The following DTWD2 variants were observed in gnomAD, a reference collection of about 807,000 sequenced individuals.
DTWD2 encodes DTW motif tRNA-uridine aminocarboxypropyltransferase 2.
DTWD2 carries 39 observed loss-of-function variants against 31.8 expected under a neutral mutation model. That is an observed-to-expected ratio of 1.22 (90% CI 0.95 to 1.60). The LOEUF (loss-of-function observed/expected upper bound fraction) is 1.60. Ranked by LOEUF, DTWD2 falls within the 40% of genes most tolerant of loss-of-function variation. The pLI is 0.00. For synonymous variants in DTWD2, 180 were observed against 142.8 expected (o/e 1.26, Z -1.86); for missense variants, 515 against 381.5 (o/e 1.35, Z -2.92).
chr5:118,876,888 T>C (rs1189084403), intron 4 of DTWD2, among the ~76,000 whole-genome samples: 5 of 152,194 alleles, frequency 3.3e-5, no homozygotes, highest in Middle Eastern at 3.2e-3. Flanking sequence ...AAGGCCAGCA[T>C]CATCGTGATA....
chr5:118,944,459 A>C, intron 2 of DTWD2, 100 bp downstream of exon 2: 1 of 1,234,264 alleles, frequency 8.1e-7, no homozygotes, highest in African/African-American at 1.5e-5. Flanking sequence ...ACTTCTTTTC[A>C]GAAATGCTAA....
intron 4 of DTWD2, among the ~76,000 whole-genome samples, chr5:118,883,211 G>C (rs1357559829): frequency 6.6e-6 from 1 of 152,184 alleles, no homozygotes; most frequent in Non-Finnish European, 1.5e-5. Context: ...CATAGCAAGA[G>C]TGACCTTTGC....
At chr5:118,875,178 C>G (rs1752593354) in intron 4 of DTWD2, among the ~76,000 whole-genome samples, 1 of 152,256 alleles carries the variant, frequency 6.6e-6, no homozygotes, top group Non-Finnish European at 1.5e-5. Context: ...TTGTTGCCAA[C>G]TGCCTTATGA....
intron 4 of DTWD2, among the ~76,000 whole-genome samples, chr5:118,867,421 T>C (rs62374075): frequency 0.27 from 40,815 of 151,990 alleles, 5,628 homozygotes; most frequent in Middle Eastern, 0.33. Context: ...AATTAATAAT[T>C]TACATTATCT....
chr5:118,908,736 C>T (rs886692081), intron 4 of DTWD2, among the ~76,000 whole-genome samples: 5 of 151,076 alleles, frequency 3.3e-5, no homozygotes, highest in Non-Finnish European at 7.4e-5. Flanking sequence ...AACCTGAAGA[C>T]TGCACTGCCC....
At chr5:118,905,034 A>T (rs1753296387) in intron 4 of DTWD2, among the ~76,000 whole-genome samples, 1 of 152,160 alleles carries the variant, frequency 6.6e-6, no homozygotes, top group Non-Finnish European at 1.5e-5. Flanking sequence ...TCACCTTGAC[A>T]TAATTTTATT....
In DTWD2 at chr5:118,965,084, C is replaced by T. The variant is rs1422544481; in HGVS notation, c.219-20435G>A. The stretch of plus-strand genomic sequence containing the variant: ...CTGGGATGTGAGGAGCACCACTGCC[C>T]GGCCGCAACCCCGTCTGGGAGGTGA... On this transcript the variant is annotated intron_variant, in intron 1 of 5. Transcript: ENST00000510708. Among the ~76,000 whole-genome samples the T allele has an allele frequency of 5.3e-5, 8 of 152,010 alleles. No individual in the cohort carries two copies. The South Asian group carries it at 1.0e-3, about 20-fold the overall frequency.
intron 4 of DTWD2, among the ~76,000 whole-genome samples, chr5:118,870,453 T>C (rs1033514526): frequency 4.6e-5 from 7 of 152,336 alleles, no homozygotes; most frequent in Middle Eastern, 3.4e-3. Flanking sequence ...TTCCAGACAA[T>C]GGCAATGAAG....
At chr5:118,986,908 C>A (rs1340704193) in intron 1 of DTWD2, among the ~76,000 whole-genome samples, 1 of 151,890 alleles carries the variant, frequency 6.6e-6, no homozygotes, top group Non-Finnish European at 1.5e-5. Context: ...AAGCAAAGTG[C>A]AGAAATGTTG....
intron 1 of DTWD2, among the ~76,000 whole-genome samples, chr5:118,968,283 G>A (rs1283339680): frequency 1.3e-5 from 2 of 152,052 alleles, no homozygotes; most frequent in South Asian, 2.1e-4. Context: ...GTGGGATGCT[G>A]AGTTAGATAC....
At chr5:118,857,602 G>C (rs1752167456) in intron 4 of DTWD2, among the ~76,000 whole-genome samples, 1 of 152,022 alleles carries the variant, frequency 6.6e-6, no homozygotes, top group Admixed American at 6.6e-5. Context: ...GTCTTTTGAT[G>C]ACTAGAAGTT....
chr5:118,985,378 G>A (rs1458235862), intron 1 of DTWD2, among the ~76,000 whole-genome samples: 3 of 150,990 alleles, frequency 2.0e-5, no homozygotes, highest in African/African-American at 7.3e-5. Context: ...ACAAACTTAG[G>A]GTTAGGAGCA....
intron 4 of DTWD2, among the ~76,000 whole-genome samples, chr5:118,928,215 T>C (rs1753848699): frequency 1.3e-5 from 2 of 152,086 alleles, no homozygotes; most frequent in South Asian, 4.1e-4. Context: ...ACAAAACACA[T>C]TAATACATAT....
chr5:118,931,184 A>G (rs570563031), intron 3 of DTWD2, among the ~76,000 whole-genome samples: 58 of 152,234 alleles, frequency 3.8e-4, no homozygotes, highest in African/African-American at 1.4e-3. Flanking sequence ...CTTAAGCCCA[A>G]GAGTTCAACA....
intron 4 of DTWD2, among the ~76,000 whole-genome samples, chr5:118,869,283 C>T (rs1752450480): frequency 6.6e-6 from 1 of 152,092 alleles, no homozygotes; most frequent in Non-Finnish European, 1.5e-5. Flanking sequence ...ATCGTTGGGA[C>T]AGAAAATAGC....
intron 1 of DTWD2, among the ~76,000 whole-genome samples, chr5:118,954,369 C>T (rs1754538239): frequency 6.6e-6 from 1 of 152,140 alleles, no homozygotes; most frequent in Admixed American, 6.6e-5. Context: ...CATTTTACTA[C>T]TATTTGACAT....
intron 1 of DTWD2, among the ~76,000 whole-genome samples, chr5:118,965,096 C>T (rs1754803661): frequency 6.6e-6 from 1 of 152,006 alleles, no homozygotes. Flanking sequence ...GCCGCAACCC[C>T]GTCTGGGAGG....
chr5:118,837,181 G>A lies in DTWD2; in HGVS notation c.*3736C>T, dbSNP rs2112659081. On this transcript the variant is annotated 3_prime_UTR_variant, in exon 6 of 6. Coordinates refer to ENST00000510708, the MANE Select transcript of DTWD2 (RefSeq NM_173666.4). ...AGAGGAAGACCCTGGGAAGGAGGAA[G>A]AAAGTGTGAAGAGAAAAGAGAGAGA... The A allele has an allele frequency of 6.6e-6, 1 of 152,248 alleles. No homozygotes were observed. Among genetic ancestry groups the A allele is most frequent in the South Asian group, 2.1e-4 (1 of 4,820 alleles). The allele number at this position is 152,248 out of a possible 1,614,324, so 9.4% of individuals were successfully genotyped here. A position where few individuals can be genotyped will look rare whatever the true frequency, so the allele number is the denominator to read the frequency against.
intron 4 of DTWD2, among the ~76,000 whole-genome samples, chr5:118,862,616 TATATACCAATTTATACC>T (rs1336568813): frequency 4.6e-5 from 7 of 152,202 alleles, no homozygotes; most frequent in African/African-American, 1.7e-4. Flanking sequence ...ATACTATACA[TATATACCAATTTATACC>T]ATAGTACTTC....
Sources: allele counts gnomAD v4.1 joint callset (sites outside exome capture counted in the v4.1 genomes callset), GRCh38; gene constraint gnomAD v4.1.1; transcripts MANE v1.5; gene names NCBI Gene and HGNC (gene_info 2026-07-23, HGNC 2026-07-21).